The following BTAF1 variants were observed in gnomAD, a reference collection of about 807,000 sequenced individuals.
BTAF1 encodes TATA-binding protein-associated factor 172.
Under a neutral mutation model 227.1 loss-of-function variants are expected in BTAF1, and 38 were observed. That is an observed-to-expected ratio of 0.17 (90% CI 0.13 to 0.22). The LOEUF (loss-of-function observed/expected upper bound fraction) is 0.22, where lower values mean the gene tolerates loss of function less well. BTAF1 is among the 10% of genes least tolerant of loss of function. The pLI, the probability that BTAF1 is intolerant of heterozygous loss-of-function variation, is 1.00. For missense variants in BTAF1, 1,598 were observed against 2,204.0 expected (o/e 0.73, Z 5.51); for synonymous variants, 742 against 751.9 (o/e 0.99, Z 0.21).
intron 19 of BTAF1, among the ~76,000 whole-genome samples, 178 bp from the exon 20 acceptor site, chr10:91,988,976 G>T (rs1466154676): frequency 6.6e-6 from 1 of 152,154 alleles, no homozygotes; most frequent in Non-Finnish European, 1.5e-5. Context: ...ATTTTAGTCA[G>T]ATTAAAATAA....
At chr10:91,928,581 A>C (rs1054096692) in intron 1 of BTAF1, among the ~76,000 whole-genome samples, 2 of 152,148 alleles carry the variant, frequency 1.3e-5, no homozygotes, top group African/African-American at 4.8e-5. Context: ...ACAGGCTTTC[A>C]GTGTTTCTTG....
At chr10:91,975,344 A>G (rs1242924925) in intron 14 of BTAF1, among the ~76,000 whole-genome samples, 2 of 152,268 alleles carry the variant, frequency 1.3e-5, no homozygotes, top group Non-Finnish European at 2.9e-5. Context: ...ACAAAGACCA[A>G]AAGAATAGCC....
In BTAF1 at chr10:92,013,783, A is replaced by G; in HGVS notation, c.4428A>G (p.Arg1476=). 6.2e-7 allele frequency: 1 copy of G among 1,614,058 alleles called. No homozygotes were observed. The stretch of plus-strand genomic sequence containing the variant: ...CTATATTAGCAAGTAGGGATGCTCG[A>G]AGCTCCAGTCGAGAGCAAGAAGCAG... ...GKPILASRDA[R]SSSREQEAGV... The change falls in exon 31 of 38, where the codon CGA becomes CGG. Residue 1476 remains arginine (R), a synonymous_variant. Coordinates refer to ENST00000265990, the MANE Select transcript of BTAF1 (RefSeq NM_003972.3).
At chr10:92,001,506 A>G (rs1589931884) in intron 25 of BTAF1, among the ~76,000 whole-genome samples, 1 of 152,334 alleles carries the variant, frequency 6.6e-6, no homozygotes, top group South Asian at 2.1e-4. Context: ...CCTTAGAAGC[A>G]TATTGCCTCA....
At chr10:92,024,450 C>T (rs777428301) in intron 34 of BTAF1, among the ~76,000 whole-genome samples, 2 of 151,822 alleles carry the variant, frequency 1.3e-5, no homozygotes, top group African/African-American at 4.8e-5. Context: ...TTTGGGAGGC[C>T]GAGGCAGGAG....
chr10:91,951,275 G>T, intron 4 of BTAF1, 128 bp from the exon 5 acceptor site: 1 of 900,042 alleles, frequency 1.1e-6, no homozygotes, highest in Non-Finnish European at 1.6e-6. Flanking sequence ...GATCATGAAT[G>T]AATATGGTTG....
Position 91,939,932 on chromosome 10 carries a change from T to TA in BTAF1, c.139-20_139-19insA. 1 of 1,549,024 alleles carries TA rather than the reference T, an allele frequency of 6.5e-7. No individual in the cohort carries two copies. The highest frequency in any genetic ancestry group is 8.9e-7 in the Non-Finnish European group (1 of 1,124,586). Reference sequence around the variant, plus strand: ...AAACAATATTTTTGTATACGTAACTTTTATTTTATAATTTTTAAGGTGTTG... The same window carrying TA: ...AAACAATATTTTTGTATACGTAACTTATTATTTTATAATTTTTAAGGTGTTG... On this transcript the variant is annotated intron_variant, in intron 2 of 37. Transcript: ENST00000265990.
intron 4 of BTAF1, among the ~76,000 whole-genome samples, chr10:91,943,508 C>G (rs1053422130): frequency 6.6e-6 from 1 of 152,082 alleles, no homozygotes; most frequent in African/African-American, 2.4e-5. Flanking sequence ...CAGAATAACA[C>G]TCTGTTGCTA....
chr10:91,950,147 G>GGGTT (rs1554851558), intron 4 of BTAF1, among the ~76,000 whole-genome samples: 4 of 35,778 alleles, frequency 1.1e-4, no homozygotes, highest in Non-Finnish European at 2.3e-4. Context: ...CTTGTCCTTT[G>GGGTT]TGGGGGGGGG....
intron 34 of BTAF1, among the ~76,000 whole-genome samples, chr10:92,022,170 G>A (rs945346785): frequency 2.6e-5 from 4 of 152,158 alleles, no homozygotes; most frequent in South Asian, 4.2e-4. Flanking sequence ...AGATACTTAC[G>A]TCAAATGATA....
Position 91,923,899 on chromosome 10 carries a change from G to C in BTAF1, c.-178G>C, listed in dbSNP as rs1843648369. The C allele has an allele frequency of 1.5e-6, 1 of 679,696 alleles. No homozygotes were observed. The highest frequency in any genetic ancestry group is 4.3e-5 in the Admixed American group (1 of 23,174). The allele number at this position is 679,696 out of a possible 1,614,324, so 42.1% of individuals were successfully genotyped here. On this transcript the variant is annotated 5_prime_UTR_variant, in exon 1 of 38. Transcript: ENST00000265990. ...CCTGCTTACCGGCCGCCGCGGGGAC[G>C]AGCTCGGGTAGGCGGCAGGGCAGAT...
intron 33 of BTAF1, 87 bp downstream of exon 33, chr10:92,016,552 C>G: frequency 8.6e-7 from 1 of 1,159,040 alleles, no homozygotes; most frequent in Non-Finnish European, 1.2e-6. Context: ...GATCTCGGCT[C>G]ACTGCAACCT....
chr10:91,992,832 T>A (rs1300369495), intron 21 of BTAF1, among the ~76,000 whole-genome samples: 3 of 152,320 alleles, frequency 2.0e-5, no homozygotes, highest in Non-Finnish European at 4.4e-5. Flanking sequence ...TTATCTCCCA[T>A]TGGTCCACCT....
chr10:91,938,628 A>G (rs746903666), intron 2 of BTAF1, among the ~76,000 whole-genome samples: 15 of 152,224 alleles, frequency 9.9e-5, no homozygotes, highest in African/African-American at 1.9e-4. Context: ...TCGTATGTCT[A>G]TCATTTTGCC....
At chr10:91,935,926 T>G in intron 2 of BTAF1, 146 bp downstream of exon 2, 1 of 792,908 alleles carries the variant, frequency 1.3e-6, no homozygotes, top group Non-Finnish European at 1.8e-6. Context: ...ACTTAAACTT[T>G]TTTTTTTTTT....
intron 9 of BTAF1, 187 bp downstream of exon 9, chr10:91,959,341 G>T: frequency 1.6e-6 from 2 of 1,268,402 alleles, no homozygotes; most frequent in Middle Eastern, 2.9e-4. Context: ...CTAGTTGAGA[G>T]GTCAGTGAGC....
chr10:92,001,840 C>T (rs977317792), intron 25 of BTAF1, among the ~76,000 whole-genome samples: 1 of 150,268 alleles, frequency 6.7e-6, no homozygotes, highest in Non-Finnish European at 1.5e-5. Context: ...AGGCTGAGTG[C>T]AGTAGTTCAC....
intron 19 of BTAF1, among the ~76,000 whole-genome samples, chr10:91,986,515 T>C (rs1848399433): frequency 1.3e-5 from 2 of 151,072 alleles, no homozygotes; most frequent in African/African-American, 4.9e-5. Flanking sequence ...TGAATTTTTT[T>C]GTTCTCACCT....
At chr10:91,952,178 G>A (rs1845812163) in intron 5 of BTAF1, among the ~76,000 whole-genome samples, 1 of 151,490 alleles carries the variant, frequency 6.6e-6, no homozygotes. Flanking sequence ...GTGTGTGTGT[G>A]TGTATATATA....
Sources: allele counts gnomAD v4.1 joint callset (sites outside exome capture counted in the v4.1 genomes callset), GRCh38; gene constraint gnomAD v4.1.1; transcripts MANE v1.5; gene names NCBI Gene and HGNC (gene_info 2026-07-23, HGNC 2026-07-21).